The following GLRA3 variants were observed in gnomAD, a reference collection of about 807,000 sequenced individuals.
GLRA3 encodes glycine receptor subunit alpha-3.
A neutral mutation model predicts 60.4 loss-of-function variants in GLRA3; 44 were observed. The ratio of observed to expected loss-of-function variants is 0.73; its 90% CI spans 0.57 to 0.94. The LOEUF (loss-of-function observed/expected upper bound fraction) is 0.94. Among genes scored for constraint, GLRA3 ranks in the 40% least tolerant of loss-of-function variants. The pLI, the probability that GLRA3 is intolerant of heterozygous loss-of-function variation, is 0.00. For synonymous variants in GLRA3, 223 were observed against 192.9 expected (o/e 1.16, Z -1.29); for missense variants, 508 against 564.6 (o/e 0.90, Z 1.02).
intron 6 of GLRA3, among the ~76,000 whole-genome samples, chr4:174,679,126 T>A (rs1406968540): frequency 6.6e-6 from 1 of 152,078 alleles, no homozygotes; most frequent in South Asian, 2.1e-4. Flanking sequence ...GGTCAGGAGA[T>A]GGAGACCAAC....
intron 6 of GLRA3, among the ~76,000 whole-genome samples, chr4:174,678,259 A>T (rs1734204713): frequency 6.6e-6 from 1 of 152,160 alleles, no homozygotes; most frequent in African/African-American, 2.4e-5. Context: ...ATAAACATTA[A>T]GTCGATATTT....
chr4:174,807,123 G>A (rs900187770), intron 1 of GLRA3, among the ~76,000 whole-genome samples: 3 of 152,030 alleles, frequency 2.0e-5, no homozygotes, highest in African/African-American at 7.2e-5. Flanking sequence ...AGCTGAGTGT[G>A]AAGCAGACAA....
At chr4:174,788,721 A>G (rs1331654588) in intron 2 of GLRA3, 95 bp downstream of exon 2, 3 of 768,072 alleles carry the variant, frequency 3.9e-6, no homozygotes, top group Non-Finnish European at 5.8e-6. Flanking sequence ...ATTGTTGAAA[A>G]TAAGCATTAG....
chr4:174,780,317 T>C (rs1401517458), intron 2 of GLRA3, among the ~76,000 whole-genome samples: 2 of 150,648 alleles, frequency 1.3e-5, no homozygotes, highest in African/African-American at 4.9e-5. Context: ...AAGGAAGCAC[T>C]AAACATGGAA....
chr4:174,644,097 T>C, intron 9 of GLRA3, 33 bp from the exon 10 acceptor site: 1 of 1,275,146 alleles, frequency 7.8e-7, no homozygotes, highest in East Asian at 2.3e-5. Flanking sequence ...GGCCCTTTAA[T>C]AATACAATAG....
rs764255273 is a variant in GLRA3 at position 174,740,097 on chromosome 4, A to G, written c.268-11399T>C. Among the ~76,000 whole-genome samples the G allele has an allele frequency of 6.6e-5, 10 of 152,292 alleles. No individual in the cohort carries two copies. In the East Asian group the frequency reaches 1.7e-3, roughly 26 times the overall value. On this transcript the variant is annotated intron_variant, in intron 3 of 9. Coordinates refer to ENST00000274093, the MANE Select transcript of GLRA3 (RefSeq NM_006529.4). ...ATAAGATCCACCTTTTGGGAACCTC[A>G]TTTGCACTCGCATCTAATTTAGTTG...
chr4:174,828,111 C>G (rs937333850), intron 1 of GLRA3, among the ~76,000 whole-genome samples: 14 of 152,016 alleles, frequency 9.2e-5, no homozygotes, highest in Non-Finnish European at 1.6e-4. Flanking sequence ...TGTCATAGAA[C>G]AATTTCATAG....
chr4:174,680,712 A>G (rs1381419609), intron 6 of GLRA3, among the ~76,000 whole-genome samples: 1 of 152,352 alleles, frequency 6.6e-6, no homozygotes, highest in East Asian at 1.9e-4. Context: ...AGGATGCTGT[A>G]GCACATAACT....
At chr4:174,781,520 C>T (rs1193153480) in intron 2 of GLRA3, among the ~76,000 whole-genome samples, 3 of 141,382 alleles carry the variant, frequency 2.1e-5, no homozygotes, top group Non-Finnish European at 4.6e-5. Flanking sequence ...ATTAATGAAT[C>T]CAGGAGCTGG....
chr4:174,685,451 T>C (rs1734520513), intron 5 of GLRA3, among the ~76,000 whole-genome samples: 1 of 152,156 alleles, frequency 6.6e-6, no homozygotes, highest in African/African-American at 2.4e-5. Context: ...GTGTGACGGC[T>C]CATTATGGAG....
chr4:174,699,261 C>T (rs1047423704), intron 5 of GLRA3, among the ~76,000 whole-genome samples: 4 of 152,168 alleles, frequency 2.6e-5, no homozygotes, highest in African/African-American at 9.7e-5. Context: ...CTCAGCCTCC[C>T]AAAGTGCTGG....
intron 2 of GLRA3, among the ~76,000 whole-genome samples, chr4:174,769,366 C>A (rs1161901860): frequency 6.6e-6 from 1 of 151,998 alleles, no homozygotes; most frequent in Admixed American, 6.6e-5. Context: ...TAGATATTTA[C>A]CCCAGCCAAA....
At position 174,639,301 on chromosome 4, in the gene GLRA3, C is replaced by A. The variant is rs1175676657; in HGVS notation, c.*4485G>T. The A allele has an allele frequency of 2.0e-5, 3 of 151,030 alleles. No homozygotes were observed. The highest frequency in any genetic ancestry group is 7.3e-5 in the African/African-American group (3 of 41,036). 9.4% of individuals were successfully genotyped at this position (151,030 alleles called of 1,614,324 possible). ...GCAAAACATATCACAGGATTATGAA[C>A]CTTTGTCTAGAAAAATTGACTGTCT... is the stretch of plus-strand genomic sequence containing the variant. On this transcript the variant is annotated 3_prime_UTR_variant, in exon 10 of 10. Coordinates refer to ENST00000274093, the MANE Select transcript of GLRA3 (RefSeq NM_006529.4).
chr4:174,701,643 C>G (rs1211581291), intron 5 of GLRA3, among the ~76,000 whole-genome samples: 1 of 152,190 alleles, frequency 6.6e-6, no homozygotes, highest in African/African-American at 2.4e-5. Context: ...TAACAATTCA[C>G]TATTCTATAA....
chr4:174,827,402 G>T (rs1013464520), intron 1 of GLRA3, among the ~76,000 whole-genome samples: 6 of 151,066 alleles, frequency 4.0e-5, no homozygotes, highest in African/African-American at 1.5e-4. Flanking sequence ...TGATTTCTTT[G>T]AAAAAAATGT....
chr4:174,769,035 C>T (rs926049822), intron 2 of GLRA3, among the ~76,000 whole-genome samples: 4 of 151,950 alleles, frequency 2.6e-5, no homozygotes, highest in Non-Finnish European at 4.4e-5. Flanking sequence ...ATTGATCTTA[C>T]AAGGTTTGCT....
intron 1 of GLRA3, among the ~76,000 whole-genome samples, chr4:174,797,552 G>GA (rs2111330523): frequency 6.6e-6 from 1 of 152,156 alleles, no homozygotes; most frequent in Non-Finnish European, 1.5e-5. Context: ...TGAAAGTTCA[G>GA]AAACTTTAAT....
In GLRA3 at chr4:174,807,821, G is replaced by A. The variant is rs886307035; in HGVS notation, c.72-18878C>T. Among the ~76,000 whole-genome samples the A allele has an allele frequency of 2.0e-5, 3 of 152,040 alleles. No homozygotes were observed. The East Asian group carries it at 5.8e-4, about 29-fold the overall frequency. ...CAATCTATGAATCAGAAGTAACTAA[G>A]CAGCCATAATACATGGAATCAAATA... On this transcript the variant is annotated intron_variant, in intron 1 of 9. Coordinates refer to ENST00000274093, the MANE Select transcript of GLRA3 (RefSeq NM_006529.4).
At chr4:174,768,495 C>T (rs1347389873) in intron 2 of GLRA3, among the ~76,000 whole-genome samples, 1 of 152,024 alleles carries the variant, frequency 6.6e-6, no homozygotes, top group Non-Finnish European at 1.5e-5. Flanking sequence ...TTTTATAAGG[C>T]CCATTTATTC....
Sources: allele counts gnomAD v4.1 joint callset (sites outside exome capture counted in the v4.1 genomes callset), GRCh38; gene constraint gnomAD v4.1.1; transcripts MANE v1.5; gene names NCBI Gene and HGNC (gene_info 2026-07-23, HGNC 2026-07-21).